Variants in WIPF3 observed in about 807,000 individuals in gnomAD.
The protein encoded by WIPF3 is WAS/WASL interacting protein family member 3.
In WIPF3, 33 loss-of-function variants were observed where a neutral mutation model predicts 38.9. That is an observed-to-expected ratio of 0.85 (90% CI 0.64 to 1.14). WIPF3 has a LOEUF of 1.14. Among genes scored for constraint, WIPF3 ranks in the 50% most tolerant of loss-of-function variants. The pLI, the probability that WIPF3 is intolerant of heterozygous loss-of-function variation, is 0.00. For synonymous variants in WIPF3, 324 were observed against 269.3 expected (o/e 1.20, Z -1.99); for missense variants, 711 against 652.5 (o/e 1.09, Z -0.98).
intron 2 of WIPF3, among the ~76,000 whole-genome samples, chr7:29,871,306 G>T (rs1365306364): frequency 2.0e-5 from 3 of 152,170 alleles, no homozygotes; most frequent in African/African-American, 7.2e-5. Flanking sequence ...CAAACACCCT[G>T]GCTGCTGACG....
intron 1 of WIPF3, among the ~76,000 whole-genome samples, chr7:29,807,195 C>T (rs544403752): frequency 3.7e-4 from 56 of 152,216 alleles, no homozygotes; most frequent in African/African-American, 1.0e-3. Flanking sequence ...ACAGAAGGAG[C>T]CCCCTAGTGA....
intron 2 of WIPF3, among the ~76,000 whole-genome samples, chr7:29,875,604 T>C (rs889400103): frequency 2.6e-5 from 4 of 152,128 alleles, no homozygotes; most frequent in African/African-American, 7.2e-5. Flanking sequence ...GTGCACAAGA[T>C]AGGCACTTGG....
At chr7:29,899,831 T>A (rs1240949310) in intron 7 of WIPF3, among the ~76,000 whole-genome samples, 1 of 152,078 alleles carries the variant, frequency 6.6e-6, no homozygotes, top group African/African-American at 2.4e-5. Flanking sequence ...TTGTAAAAAA[T>A]AAATTCGTGT....
chr7:29,841,351 G>A (rs915666254), intron 2 of WIPF3, among the ~76,000 whole-genome samples: 1 of 152,122 alleles, frequency 6.6e-6, no homozygotes, highest in African/African-American at 2.4e-5. Context: ...TCGCTGATGA[G>A]CATCTTTTCT....
At chr7:29,843,993 G>T (rs1010530893) in intron 2 of WIPF3, among the ~76,000 whole-genome samples, 4 of 151,820 alleles carry the variant, frequency 2.6e-5, no homozygotes, top group Non-Finnish European at 5.9e-5. Flanking sequence ...TGCAGTGGAG[G>T]GCTGGCTTGG....
intron 1 of WIPF3, among the ~76,000 whole-genome samples, chr7:29,825,139 G>C (rs1347368221): frequency 1.3e-5 from 2 of 152,082 alleles, no homozygotes; most frequent in Non-Finnish European, 2.9e-5. Context: ...AAATTAAAGA[G>C]GTGGTCATTC....
chr7:29,816,945 CCCTTCA>C (rs1440476302), intron 1 of WIPF3, among the ~76,000 whole-genome samples: 1 of 152,144 alleles, frequency 6.6e-6, no homozygotes, highest in Non-Finnish European at 1.5e-5. Context: ...TTTCCCATTA[CCCTTCA>C]CAGAAGTTGT....
intron 2 of WIPF3, among the ~76,000 whole-genome samples, chr7:29,851,673 G>A (rs1309462911): frequency 3.3e-5 from 5 of 152,226 alleles, no homozygotes; most frequent in Admixed American, 1.3e-4. Context: ...CCTGCTGTTG[G>A]CACAGATGGT....
At chr7:29,862,816 T>A (rs1460618157) in intron 2 of WIPF3, among the ~76,000 whole-genome samples, 2 of 152,214 alleles carry the variant, frequency 1.3e-5, no homozygotes, top group Non-Finnish European at 2.9e-5. Flanking sequence ...CCCTCTTCTC[T>A]TCTTCCCCAC....
chr7:29,869,743 A>G (rs935870244), intron 2 of WIPF3, among the ~76,000 whole-genome samples: 1 of 152,224 alleles, frequency 6.6e-6, no homozygotes, highest in African/African-American at 2.4e-5. Context: ...GAGACTTAGA[A>G]TTAATACTGG....
Position 29,879,109 on chromosome 7 carries a change from A to T in WIPF3, c.324A>T (p.Val108=). The T allele has an allele frequency of 7.4e-6, 12 of 1,612,612 alleles. No homozygotes were observed. Among genetic ancestry groups the T allele is most frequent in the Non-Finnish European group, 1.0e-5 (12 of 1,179,378 alleles). The change falls in exon 4 of 9, where the codon GTA becomes GTT. Residue 108 remains valine, a synonymous_variant. Coordinates refer to ENST00000242140, the MANE Select transcript of WIPF3 (RefSeq NM_001080529.3). ...LGDLFAGGFP[V]LRPAGQRDVA... ...ATCTGTTTGCTGGTGGCTTTCCTGT[A>T]TTGCGACCAGCAGGCCAGCGGGATG...
intron 1 of WIPF3, among the ~76,000 whole-genome samples, chr7:29,830,642 A>T (rs1053973365): frequency 4.0e-5 from 6 of 151,684 alleles, no homozygotes; most frequent in Admixed American, 1.3e-4. Context: ...AAAAAGAAAG[A>T]AAGAAATGAG....
chr7:29,874,928 G>A (rs1785559651), intron 2 of WIPF3, among the ~76,000 whole-genome samples: 1 of 152,218 alleles, frequency 6.6e-6, no homozygotes, highest in African/African-American at 2.4e-5. Flanking sequence ...TCGTTGCAAA[G>A]TGAAAAGCAC....
intron 1 of WIPF3, among the ~76,000 whole-genome samples, chr7:29,818,040 A>G (rs1199744393): frequency 6.6e-6 from 1 of 152,228 alleles, no homozygotes; most frequent in Non-Finnish European, 1.5e-5. Flanking sequence ...TAAAGTTGCT[A>G]TTGTGAACAC....
chr7:29,838,634 A>G (rs1339227659), intron 2 of WIPF3, among the ~76,000 whole-genome samples: 2 of 152,222 alleles, frequency 1.3e-5, no homozygotes, highest in Admixed American at 6.5e-5. Context: ...ACTCTCATAC[A>G]CTGCTGGTGG....
At position 29,831,462 on chromosome 7, in the gene WIPF3, C is replaced by T. The variant is rs777509342; in HGVS notation, c.-57-3206C>T. On this transcript the variant is annotated intron_variant, in intron 1 of 8. Coordinates refer to ENST00000242140, the MANE Select transcript of WIPF3 (RefSeq NM_001080529.3). The stretch of plus-strand genomic sequence containing the variant: ...ATGTTCTACCAGCCAGATGGGCAAC[C>T]CTTAGCCCAATTAAGTTGACACATA... Among the ~76,000 whole-genome samples, 3 of 152,326 alleles carry T rather than the reference C, an allele frequency of 2.0e-5. No homozygotes were observed. In the South Asian group the frequency reaches 6.2e-4, roughly 32 times the overall value.
intron 5 of WIPF3, among the ~76,000 whole-genome samples, chr7:29,887,686 T>G (rs1212553760): frequency 6.6e-6 from 1 of 152,206 alleles, no homozygotes; most frequent in Non-Finnish European, 1.5e-5. Context: ...TCTCTAGTGA[T>G]TCCCCTGCTT....
At position 29,884,237 on chromosome 7, in the gene WIPF3, T is replaced by C; in HGVS notation, c.743T>C (p.Val248Ala). 1 of 1,479,748 alleles carries C rather than the reference T, an allele frequency of 6.8e-7. No individual in the cohort carries two copies. The highest frequency in any genetic ancestry group is 1.2e-5 in the South Asian group (1 of 80,874). The allele number at this position is 1,479,748 out of a possible 1,614,324, so 91.7% of individuals were successfully genotyped here. Residue 248 changes from valine (V) to alanine (A), a missense_variant, in exon 5 of 9, where the codon GTG (valine) becomes GCG (alanine). By Grantham distance (64) the Val-to-Ala change is moderately conservative (BLOSUM62 0). Transcript: ENST00000242140. ...PPASVLSDKA[V>A]KPQLAPLHLP... is the part of the protein sequence containing the mutation. ...GCCTCGGTTCTTAGTGACAAGGCAG[T>C]GAAGCCTCAGCTGGCTCCCTTGCAC... is the stretch of plus-strand genomic sequence containing the variant.
At chr7:29,840,647 GA>G (rs1784898486) in intron 2 of WIPF3, among the ~76,000 whole-genome samples, 1 of 152,062 alleles carries the variant, frequency 6.6e-6, no homozygotes, top group African/African-American at 2.4e-5. Context: ...TGTTGTGAAA[GA>G]AAAAAGTATA....
Sources: allele counts gnomAD v4.1 joint callset (sites outside exome capture counted in the v4.1 genomes callset), GRCh38; gene constraint gnomAD v4.1.1; transcripts MANE v1.5; gene names NCBI Gene and HGNC (gene_info 2026-07-23, HGNC 2026-07-21).